ULK4: variants seen among roughly 807,000 people sequenced by gnomAD.
The protein encoded by ULK4 is unc-51 like kinase 4.
Under a neutral mutation model 160.6 loss-of-function variants are expected in ULK4, and 133 were observed. The observed-to-expected ratio is 0.83, with a 90% CI of 0.72 to 0.96. ULK4 has a LOEUF of 0.96. Among genes scored for constraint, ULK4 ranks in the 40% least tolerant of loss-of-function variants. The pLI is 0.00. For synonymous variants in ULK4, 534 were observed against 539.8 expected (o/e 0.99, Z 0.15); for missense variants, 1,580 against 1,499.5 (o/e 1.05, Z -0.89).
rs527429363 is a variant in ULK4, at chr3:41,677,195, C to T, written c.2978+4313G>A. The stretch of plus-strand genomic sequence containing the variant: ...AAGTGCTGGGATTACAGGTGTGAGC[C>T]GGTGTACCCAGCAGCCCCATTTGTT... On this transcript the variant is annotated intron_variant, in intron 29 of 36. Transcript: ENST00000301831. Among the ~76,000 whole-genome samples, 6 of 152,020 alleles carry T rather than the reference C, an allele frequency of 3.9e-5. No homozygotes were observed. In the South Asian group the frequency reaches 6.3e-4, roughly 16 times the overall value.
chr3:41,813,771 C>T (rs2040881685), intron 19 of ULK4, among the ~76,000 whole-genome samples: 1 of 152,202 alleles, frequency 6.6e-6, no homozygotes, highest in Admixed American at 6.5e-5. Context: ...TTTGTGGGTA[C>T]TCACAATTCC....
At chr3:41,484,577 G>C (rs1272864) in intron 32 of ULK4, among the ~76,000 whole-genome samples, 74 of 151,254 alleles carry the variant, frequency 4.9e-4, no homozygotes, top group Admixed American at 1.6e-3. Context: ...CTCAGCCTCC[G>C]GAGTAGCTGG....
intron 17 of ULK4, among the ~76,000 whole-genome samples, chr3:41,847,525 C>T (rs1446055541): frequency 6.6e-6 from 1 of 152,146 alleles, no homozygotes; most frequent in Non-Finnish European, 1.5e-5. Flanking sequence ...GTAATTACAA[C>T]AACAACACAA....
chr3:41,869,941 C>A (rs1470007866), intron 17 of ULK4, among the ~76,000 whole-genome samples: 1 of 152,056 alleles, frequency 6.6e-6, no homozygotes, highest in Non-Finnish European at 1.5e-5. Flanking sequence ...TTCCTTATTT[C>A]CCTTTTATTG....
intron 32 of ULK4, among the ~76,000 whole-genome samples, chr3:41,464,386 T>G (rs978926322): frequency 9.9e-5 from 15 of 152,142 alleles, no homozygotes; most frequent in African/African-American, 3.6e-4. Context: ...ACACAACTGC[T>G]AAGATGCTTA....
rs2030030417 is a variant in ULK4, at chr3:41,579,285, G to C, written c.3121-13155C>G. Among the ~76,000 whole-genome samples the C allele has an allele frequency of 2.6e-5, 4 of 152,060 alleles. 1 individual carries two copies. The highest frequency in any genetic ancestry group is 2.6e-4 in the Admixed American group (4 of 15,258). The stretch of plus-strand genomic sequence containing the variant: ...AAGAGAAAACCAGAAATCAAAATGA[G>C]TGCTAAGAATGAAGGGACAGAGGAA... On this transcript the variant is annotated intron_variant, in intron 31 of 36. Coordinates refer to ENST00000301831, the MANE Select transcript of ULK4 (RefSeq NM_017886.4).
At chr3:41,526,496 C>T (rs556771833) in intron 32 of ULK4, among the ~76,000 whole-genome samples, 1 of 152,296 alleles carries the variant, frequency 6.6e-6, no homozygotes, top group South Asian at 2.1e-4. Flanking sequence ...AAGGCAAGAC[C>T]AGAGATGACA....
chr3:41,677,150 C>T (rs1018410017), intron 29 of ULK4, among the ~76,000 whole-genome samples: 2 of 151,960 alleles, frequency 1.3e-5, no homozygotes, highest in African/African-American at 4.8e-5. Flanking sequence ...CTCCTGTGAT[C>T]CACCCACCTT....
intron 27 of ULK4, among the ~76,000 whole-genome samples, chr3:41,699,292 T>C (rs368475718): frequency 2.0e-5 from 3 of 152,354 alleles, no homozygotes; most frequent in African/African-American, 7.2e-5. Flanking sequence ...TAAAGCTAGA[T>C]TATTCATTAT....
At chr3:41,477,186 T>C (rs576768455) in intron 32 of ULK4, among the ~76,000 whole-genome samples, 3 of 152,338 alleles carry the variant, frequency 2.0e-5, no homozygotes, top group Admixed American at 2.0e-4. Context: ...AAGATTTATT[T>C]TGTATGAATT....
At chr3:41,374,361 T>C (rs1175690294) in intron 35 of ULK4, among the ~76,000 whole-genome samples, 1 of 152,190 alleles carries the variant, frequency 6.6e-6, no homozygotes, top group Non-Finnish European at 1.5e-5. Context: ...CCAATATCCC[T>C]GATGAACATT....
At chr3:41,372,745 T>C (rs776418637) in intron 35 of ULK4, among the ~76,000 whole-genome samples, 2 of 152,098 alleles carry the variant, frequency 1.3e-5, no homozygotes, top group African/African-American at 2.4e-5. Flanking sequence ...ACGGGCAAAA[T>C]AACCAGCTAG....
chr3:41,538,702 A>G (rs1432194670), intron 32 of ULK4, among the ~76,000 whole-genome samples: 1 of 152,162 alleles, frequency 6.6e-6, no homozygotes, highest in African/African-American at 2.4e-5. Flanking sequence ...TCAGCCCACC[A>G]CAAATGGAGC....
chr3:41,326,421 TAAAG>T (rs903280994), intron 35 of ULK4, among the ~76,000 whole-genome samples: 1 of 151,160 alleles, frequency 6.6e-6, no homozygotes, highest in African/African-American at 2.4e-5. Context: ...GTATTAACCT[TAAAG>T]AGAGTTATAT....
At chr3:41,858,705 A>G (rs2125681505) in intron 17 of ULK4, among the ~76,000 whole-genome samples, 1 of 145,760 alleles carries the variant, frequency 6.9e-6, no homozygotes, top group African/African-American at 2.6e-5. Flanking sequence ...AGGTTTCACC[A>G]TGCTGCCCAG....
intron 35 of ULK4, among the ~76,000 whole-genome samples, chr3:41,358,772 T>TG (rs1355810294): frequency 1.3e-5 from 2 of 151,992 alleles, no homozygotes. Flanking sequence ...TACTCCGAGA[T>TG]GGACAGCCAG....
chr3:41,849,864 C>T (rs1575823601), intron 17 of ULK4, among the ~76,000 whole-genome samples: 1 of 152,056 alleles, frequency 6.6e-6, no homozygotes, highest in South Asian at 2.1e-4. Context: ...ACACAACGTG[C>T]AGGTTTGTTA....
At chr3:41,649,037 C>T (rs908100091) in intron 30 of ULK4, among the ~76,000 whole-genome samples, 3 of 151,444 alleles carry the variant, frequency 2.0e-5, no homozygotes, top group Admixed American at 6.6e-5. Context: ...CTGAGGCAGG[C>T]GGGTTGTTTG....
At chr3:41,804,762 T>C (rs2040587368) in intron 19 of ULK4, among the ~76,000 whole-genome samples, 2 of 152,224 alleles carry the variant, frequency 1.3e-5, no homozygotes, top group Non-Finnish European at 2.9e-5. Context: ...TTGCTTGTTT[T>C]TGTCAGGTTT....
Sources: gnomAD v4.1 joint callset for allele counts (sites outside exome capture counted in the v4.1 genomes callset) on GRCh38, gnomAD v4.1.1 for gene constraint, MANE v1.5 for transcripts, NCBI Gene and HGNC (gene_info 2026-07-23, HGNC 2026-07-21) for gene names.